IRF2: variants seen among roughly 807,000 people sequenced by gnomAD.
IRF2 encodes interferon regulatory factor 2.
Under a neutral mutation model 40.6 loss-of-function variants are expected in IRF2, and 15 were observed. The observed-to-expected ratio is 0.37, with a 90% CI of 0.25 to 0.57. IRF2 has a LOEUF of 0.57. Among genes scored for constraint, IRF2 ranks in the 20% least tolerant of loss-of-function variants. The pLI, the probability that IRF2 is intolerant of heterozygous loss-of-function variation, is 0.77. For synonymous variants in IRF2, 151 were observed against 165.5 expected (o/e 0.91, Z 0.67); for missense variants, 317 against 455.7 (o/e 0.70, Z 2.77).
intron 1 of IRF2, among the ~76,000 whole-genome samples, chr4:184,431,521 G>C (rs1236303744): frequency 6.6e-6 from 1 of 152,222 alleles, no homozygotes; most frequent in Non-Finnish European, 1.5e-5. Context: ...GCCCGCCAGG[G>C]TGGTGACCAC....
chr4:184,425,017 G>T (rs1412383373), intron 2 of IRF2, among the ~76,000 whole-genome samples: 4 of 152,232 alleles, frequency 2.6e-5, no homozygotes, highest in Non-Finnish European at 5.9e-5. Context: ...CTGGCCCTGA[G>T]CATGCAGACA....
chr4:184,430,520 A>G (rs1234832382), intron 1 of IRF2, among the ~76,000 whole-genome samples: 3 of 152,122 alleles, frequency 2.0e-5, no homozygotes, highest in Non-Finnish European at 4.4e-5. Flanking sequence ...CTCTGCCTCC[A>G]GCTCCTATGT....
At chr4:184,473,288 G>C (rs1415296653) in intron 1 of IRF2, among the ~76,000 whole-genome samples, 1 of 150,140 alleles carries the variant, frequency 6.7e-6, no homozygotes, top group Non-Finnish European at 1.5e-5. Flanking sequence ...GGGGACGCCG[G>C]CCCCCACTGC....
chr4:184,393,019 C>G (rs1006433705), intron 7 of IRF2, among the ~76,000 whole-genome samples: 1 of 152,090 alleles, frequency 6.6e-6, no homozygotes, highest in African/African-American at 2.4e-5. Context: ...ATTGTTTCCA[C>G]GCAGAAACAC....
chr4:184,416,345 G>GA (rs143280573), intron 5 of IRF2, among the ~76,000 whole-genome samples: 3,506 of 94,350 alleles, frequency 0.037, 184 homozygotes, highest in African/African-American at 0.13. Context: ...AAAAAAAAAC[G>GA]AAAAAAAAAA....
chr4:184,460,519 C>G (rs1313109517), intron 1 of IRF2, among the ~76,000 whole-genome samples: 1 of 152,182 alleles, frequency 6.6e-6, no homozygotes, highest in Non-Finnish European at 1.5e-5. Flanking sequence ...CTTCAACATG[C>G]ATTTATGAAT....
intron 1 of IRF2, among the ~76,000 whole-genome samples, chr4:184,465,033 T>A (rs890561048): frequency 2.6e-5 from 4 of 152,160 alleles, no homozygotes; most frequent in Admixed American, 6.5e-5. Context: ...GTTGTAAATA[T>A]CAACAAGGAA....
rs1739631676 is a variant in IRF2 at position 184,474,012 on chromosome 4, G to A, written c.-7+367C>T. 1 of 153,122 alleles carries A rather than the reference G, an allele frequency of 6.5e-6. No individual in the cohort carries two copies. The highest frequency in any genetic ancestry group is 1.5e-5 in the Non-Finnish European group (1 of 68,728). 9.5% of individuals were successfully genotyped at this position (153,122 alleles called of 1,614,324 possible). A position where few individuals can be genotyped will look rare whatever the true frequency, so the allele number is the denominator to read the frequency against. ...CACCTGGGGCGCAGAAGCACACACA[G>A]CAGGTCTGTGTCCATGGAGCCACCT... On this transcript the variant is annotated intron_variant, in intron 1 of 8. Coordinates refer to ENST00000393593, the MANE Select transcript of IRF2 (RefSeq NM_002199.4). The surrounding 1 kb of genome is among the most constrained non-coding windows in gnomAD (Gnocchi z 5.6).
At position 184,438,570 on chromosome 4, in the gene IRF2, G is replaced by A. The variant is rs1471983423; in HGVS notation, c.-6-9500C>T. 2.0e-5 allele frequency among the ~76,000 whole-genome samples: 3 copies of A among 152,156 alleles called. 1 individual carries two copies. Among genetic ancestry groups the A allele is most frequent in the Non-Finnish European group, 4.4e-5 (3 of 68,036 alleles). On this transcript the variant is annotated intron_variant, in intron 1 of 8. Transcript: ENST00000393593. ...CGACAGTGTGTGTGCAGGTGTGTGCGAGCATGTGGACGGCAGAGAGAGGGA... is the reference window on the plus strand; with the variant it reads ...CGACAGTGTGTGTGCAGGTGTGTGCAAGCATGTGGACGGCAGAGAGAGGGA...
chr4:184,406,441 G>A (rs1448709844), intron 6 of IRF2, among the ~76,000 whole-genome samples: 2 of 152,022 alleles, frequency 1.3e-5, no homozygotes, highest in Non-Finnish European at 2.9e-5. Flanking sequence ...TATTGGCCAG[G>A]ATGGTCTTGA....
intron 5 of IRF2, among the ~76,000 whole-genome samples, chr4:184,412,908 C>T (rs1078238): frequency 0.013 from 1,934 of 152,298 alleles, 32 homozygotes; most frequent in African/African-American, 0.045. Flanking sequence ...CACATCTGCC[C>T]GTTGGGCACT....
At chr4:184,396,325 G>A (rs1182457666) in intron 7 of IRF2, among the ~76,000 whole-genome samples, 1 of 152,138 alleles carries the variant, frequency 6.6e-6, no homozygotes, top group East Asian at 1.9e-4. Flanking sequence ...TTAAGGACCG[G>A]CCTTTGGCAT....
At chr4:184,426,006 G>C (rs946902398) in intron 2 of IRF2, among the ~76,000 whole-genome samples, 3 of 151,112 alleles carry the variant, frequency 2.0e-5, no homozygotes, top group Non-Finnish European at 4.4e-5. Flanking sequence ...TTGTTTGTTT[G>C]TTTGTTTGTT....
chr4:184,438,048 C>T (rs977385965), intron 1 of IRF2, among the ~76,000 whole-genome samples: 1 of 152,076 alleles, frequency 6.6e-6, no homozygotes, highest in African/African-American at 2.4e-5. Flanking sequence ...AGTTGAACAT[C>T]ATCATCATCA....
intron 5 of IRF2, among the ~76,000 whole-genome samples, chr4:184,414,664 G>A (rs542639744): frequency 2.0e-5 from 3 of 152,334 alleles, no homozygotes; most frequent in African/African-American, 7.2e-5. Context: ...ATGGCCAATG[G>A]GCCTTGGGTG....
intron 1 of IRF2, among the ~76,000 whole-genome samples, chr4:184,455,050 C>T (rs1020395691): frequency 6.6e-6 from 1 of 152,110 alleles, no homozygotes; most frequent in East Asian, 1.9e-4. Flanking sequence ...ACATTCTTGG[C>T]CAGATTAATC....
intron 7 of IRF2, among the ~76,000 whole-genome samples, chr4:184,397,654 G>A (rs1395904049): frequency 6.6e-6 from 1 of 152,170 alleles, no homozygotes; most frequent in Non-Finnish European, 1.5e-5. Context: ...TGTTGGGGGT[G>A]GCACCTACTG....
At chr4:184,445,651 T>TCA (rs1173098636) in intron 1 of IRF2, among the ~76,000 whole-genome samples, 2 of 83,368 alleles carry the variant, frequency 2.4e-5, no homozygotes, top group Non-Finnish European at 6.0e-5. Flanking sequence ...TGAGACTCCA[T>TCA]CACAAAAAAA....
intron 5 of IRF2, 98 bp downstream of exon 5, chr4:184,418,069 G>T: frequency 1.2e-6 from 1 of 866,458 alleles, no homozygotes; most frequent in Non-Finnish European, 2.0e-6. Context: ...GGAAGAAAGA[G>T]GACACACTGA....
Sources: gnomAD v4.1 joint callset for allele counts (sites outside exome capture counted in the v4.1 genomes callset) on GRCh38, gnomAD v4.1.1 for gene constraint, Gnocchi (gnomAD v3.1) non-coding constraint, MANE v1.5 for transcripts, NCBI Gene and HGNC (gene_info 2026-07-23, HGNC 2026-07-21) for gene names.